Variants in HOOK1 observed in about 807,000 individuals in gnomAD.
HOOK1 encodes the protein hook microtubule tethering protein 1.
A neutral mutation model predicts 112.8 loss-of-function variants in HOOK1; 60 were observed. That is an observed-to-expected ratio of 0.53 (90% CI 0.43 to 0.66). The LOEUF (loss-of-function observed/expected upper bound fraction) is 0.66. HOOK1 is among the 30% of genes least tolerant of loss of function. The pLI is 0.00. For missense variants in HOOK1, 770 were observed against 856.0 expected, an observed-to-expected ratio of 0.90 and a Z score of 1.25; for synonymous variants, 294 against 283.8, an observed-to-expected ratio of 1.04 and a Z score of -0.36.
intron 10 of HOOK1, among the ~76,000 whole-genome samples, chr1:59,847,523 T>G (rs1215266448): frequency 6.6e-6 from 1 of 151,600 alleles, no homozygotes; most frequent in African/African-American, 2.4e-5. Flanking sequence ...TGTAAGGAAA[T>G]TTTTGTGTAA....
In HOOK1 at chr1:59,846,832, G is replaced by A. The variant is rs79977356; in HGVS notation, c.789-213G>A. ...AAAGCTTTTCTAGACTTCTTATTGC[G>A]ACTGATTTCTAATTTAATTAACCTT... is the stretch of plus-strand genomic sequence containing the variant. On this transcript the variant is annotated intron_variant, in intron 9 of 21. Transcript: ENST00000371208. Among the ~76,000 whole-genome samples the A allele has an allele frequency of 9.3e-3, 1,401 of 151,004 alleles. 12 individuals carry two copies. Among genetic ancestry groups the A allele is most frequent in the Middle Eastern group, 0.024 (7 of 294 alleles).
intron 3 of HOOK1, among the ~76,000 whole-genome samples, chr1:59,829,311 T>C (rs1274595019): frequency 6.6e-6 from 1 of 152,160 alleles, no homozygotes; most frequent in African/African-American, 2.4e-5. Context: ...CACTTGTTGA[T>C]GGATGTTTGA....
chr1:59,845,963 T>G (rs2098403545), intron 9 of HOOK1, among the ~76,000 whole-genome samples: 1 of 151,910 alleles, frequency 6.6e-6, no homozygotes, highest in Admixed American at 6.6e-5. Context: ...TGATACAGTT[T>G]ATCAGTAACA....
intron 2 of HOOK1, among the ~76,000 whole-genome samples, chr1:59,822,239 AAG>A (rs760052599): frequency 8.5e-5 from 13 of 152,174 alleles, no homozygotes; most frequent in Admixed American, 2.6e-4. Flanking sequence ...AAAACTATAA[AAG>A]AAACAAGTTA....
intron 19 of HOOK1, among the ~76,000 whole-genome samples, chr1:59,867,886 T>G (rs535794355): frequency 6.6e-6 from 1 of 152,300 alleles, no homozygotes; most frequent in African/African-American, 2.4e-5. Flanking sequence ...GAATTCATTT[T>G]GATTTTTTTA....
At chr1:59,849,627 A>G (rs899044893) in intron 12 of HOOK1, among the ~76,000 whole-genome samples, 3 of 151,634 alleles carry the variant, frequency 2.0e-5, no homozygotes, top group Non-Finnish European at 3.0e-5. Flanking sequence ...CCTCATGCCC[A>G]TCACCGTTTA....
chr1:59,864,521 T>G, intron 16 of HOOK1, 111 bp from the exon 17 acceptor site: 2 of 665,224 alleles, frequency 3.0e-6, no homozygotes, highest in East Asian at 5.7e-5. Flanking sequence ...TTAAAAATAT[T>G]TATAATTTTG....
intron 9 of HOOK1, among the ~76,000 whole-genome samples, chr1:59,843,825 A>G (rs2098402241): frequency 6.6e-6 from 1 of 152,066 alleles, no homozygotes; most frequent in South Asian, 2.1e-4. Context: ...ATATGTGTTA[A>G]GGACCAAATC....
Position 59,873,020 on chromosome 1 carries a change from A to G in HOOK1, c.*55A>G. On this transcript the variant is annotated 3_prime_UTR_variant, in exon 22 of 22. Transcript: ENST00000371208. ...AACCACATAAAATAGAAGTGTCCTTAAAATATTTTGTACCTTTCAACTAAC... is the reference window on the plus strand; with the variant it reads ...AACCACATAAAATAGAAGTGTCCTTGAAATATTTTGTACCTTTCAACTAAC... 3 of 1,288,038 alleles carry G rather than the reference A, an allele frequency of 2.3e-6. No homozygotes were observed. The highest frequency in any genetic ancestry group is 3.0e-6 in the Non-Finnish European group (3 of 988,844). The allele number at this position is 1,288,038 out of a possible 1,614,324, so 79.8% of individuals were successfully genotyped here.
At chr1:59,868,756 C>T (rs1001817376) in intron 20 of HOOK1, among the ~76,000 whole-genome samples, 1 of 152,210 alleles carries the variant, frequency 6.6e-6, no homozygotes, top group African/African-American at 2.4e-5. Context: ...AGCCGTTTCT[C>T]ACCTGAACCT....
chr1:59,865,840 CT>C (rs1553465234), intron 18 of HOOK1, 31 bp from the exon 19 acceptor site: 1 of 1,056,546 alleles, frequency 9.5e-7, no homozygotes, highest in Non-Finnish European at 1.4e-6. Flanking sequence ...ATATTAATAA[CT>C]GATTATGCTT....
intron 6 of HOOK1, among the ~76,000 whole-genome samples, chr1:59,835,848 T>G (rs1005761924): frequency 6.6e-6 from 1 of 152,032 alleles, no homozygotes; most frequent in African/African-American, 2.4e-5. Flanking sequence ...CGCTGATCTA[T>G]CAGCAGGTGG....
intron 11 of HOOK1, 94 bp downstream of exon 11, chr1:59,848,610 G>T: frequency 1.2e-6 from 1 of 810,498 alleles, no homozygotes; most frequent in Non-Finnish European, 2.0e-6. Context: ...AAATTGAGAA[G>T]CGTTGCATGT....
chr1:59,836,342 C>T (rs538782592), intron 6 of HOOK1, among the ~76,000 whole-genome samples: 8 of 152,060 alleles, frequency 5.3e-5, no homozygotes, highest in Admixed American at 2.6e-4. Context: ...TAGAGGGAGA[C>T]GTCATACAGG....
rs764306514 is a variant in HOOK1, at chr1:59,847,105, C to G, written c.849C>G (p.Ile283Met). Residue 283 changes from isoleucine to methionine, a missense_variant, in exon 10 of 22, where the codon ATC becomes ATG. Coordinates refer to ENST00000371208, the MANE Select transcript of HOOK1 (RefSeq NM_015888.6). ...GTGAAGAACTTGAAAAGCAGCTAAT[C>G]GAATTCCAGCATAGGAATGATGAAT... ...VHCEELEKQL[I>M]EFQHRNDELT... 2 of 1,608,350 alleles carry G rather than the reference C, an allele frequency of 1.2e-6. No homozygotes were observed. Among genetic ancestry groups the G allele is most frequent in the African/African-American group, 1.3e-5 (1 of 74,702 alleles).
intron 8 of HOOK1, among the ~76,000 whole-genome samples, chr1:59,841,988 T>C (rs1271383693): frequency 1.3e-5 from 2 of 152,086 alleles, no homozygotes; most frequent in African/African-American, 4.8e-5. Context: ...TGTGCCTGTC[T>C]CGCACCCTTC....
rs372826449 is a variant in HOOK1 at position 59,833,482 on chromosome 1, T to C, written c.351T>C (p.Leu117=). 3.8e-6 allele frequency: 6 copies of C among 1,594,662 alleles called. No individual in the cohort carries two copies. The African/African-American group carries it at 6.7e-5, about 18-fold the overall frequency. Residue 117 remains leucine (L), a synonymous_variant, in exon 5 of 22, where the codon CTT becomes CTC. Coordinates refer to ENST00000371208, the MANE Select transcript of HOOK1 (RefSeq NM_015888.6). ...CCGAATGTTCAGATCCAGTGGAGCT[T>C]GGGAGGTTGCTCCAGCTTATTTTAG... ...QITECSDPVE[L]GRLLQLILGC...
intron 3 of HOOK1, among the ~76,000 whole-genome samples, chr1:59,830,247 T>C (rs992221185): frequency 1.3e-5 from 2 of 152,114 alleles, no homozygotes; most frequent in Non-Finnish European, 1.5e-5. Context: ...ATATTTTTTC[T>C]TATTATACTA....
At chr1:59,837,786 G>C (rs529666586) in intron 7 of HOOK1, among the ~76,000 whole-genome samples, 1 of 152,198 alleles carries the variant, frequency 6.6e-6, no homozygotes, top group Non-Finnish European at 1.5e-5. Context: ...ATGATGGTTT[G>C]CTGCACCCGT....
Sources: allele counts gnomAD v4.1 joint callset (sites outside exome capture counted in the v4.1 genomes callset), GRCh38; gene constraint gnomAD v4.1.1; transcripts MANE v1.5; gene names NCBI Gene and HGNC (gene_info 2026-07-23, HGNC 2026-07-21).